The following SLC30A6 variants were observed in gnomAD, a reference collection of about 807,000 sequenced individuals.
The protein encoded by SLC30A6 is zinc transporter 6.
In SLC30A6, 55 loss-of-function variants were observed where a neutral mutation model predicts 63.0. That is an observed-to-expected ratio of 0.87 (90% CI 0.70 to 1.09). The LOEUF (loss-of-function observed/expected upper bound fraction) is 1.09, where lower values mean the gene tolerates loss of function less well. Among genes scored for constraint, SLC30A6 ranks in the 50% least tolerant of loss-of-function variants. The pLI, the probability that SLC30A6 is intolerant of heterozygous loss-of-function variation, is 0.00. For missense variants in SLC30A6, 587 were observed against 549.2 expected (o/e 1.07, Z -0.69); for synonymous variants, 224 against 186.1 (o/e 1.20, Z -1.66).
intron 12 of SLC30A6, 80 bp downstream of exon 12, chr2:32,207,013 A>G (rs1277640052): frequency 1.2e-5 from 14 of 1,150,198 alleles, no homozygotes; most frequent in Admixed American, 1.8e-5. Context: ...ACTTTATTCA[A>G]CTCTACCTAG....
At chr2:32,217,689 C>T (rs1469592511) in intron 13 of SLC30A6, among the ~76,000 whole-genome samples, 1 of 152,088 alleles carries the variant, frequency 6.6e-6, no homozygotes, top group African/African-American at 2.4e-5. Context: ...TCTTCCAATC[C>T]ATGAGCGTGG....
rs959146928 is a variant in SLC30A6 at position 32,220,289 on chromosome 2, A to G, written c.962A>G (p.Tyr321Cys). ...MVLAHVTNRL[Y>C]TLVSTLTVQI... Reference sequence around the variant, plus strand: ...CTTGCTCATGTGACCAACAGGCTGTACACTCTAGTGTCTACTCTAACTGTT... The same window carrying G: ...CTTGCTCATGTGACCAACAGGCTGTGCACTCTAGTGTCTACTCTAACTGTT... The change falls in exon 14 of 14, where the codon TAC (tyrosine) becomes TGC (cysteine). Residue 321 changes from tyrosine to cysteine, a missense_variant. Transcript: ENST00000282587. The G allele has an allele frequency of 1.9e-6, 3 of 1,614,206 alleles. No homozygotes were observed. The highest frequency in any genetic ancestry group is 1.7e-5 in the Admixed American group (1 of 60,026).
rs1257191371 is a variant in SLC30A6, at chr2:32,171,226, C to CAT, written c.4-59_4-58dup. 13 of 1,377,458 alleles carry CAT rather than the reference C, an allele frequency of 9.4e-6. No homozygotes were observed. The African/African-American group carries it at 1.0e-4, about 11-fold the overall frequency. The allele number at this position is 1,377,458 out of a possible 1,614,324, so 85.3% of individuals were successfully genotyped here. ...TATCATAGGAACCACTATATCATATCATAGGAACTCTGAAGATGATTAAAT... is the reference window on the plus strand; with the variant it reads ...TATCATAGGAACCACTATATCATATCATATAGGAACTCTGAAGATGATTAAAT... On this transcript the variant is annotated intron_variant, in intron 1 of 13. Coordinates refer to ENST00000282587, the MANE Select transcript of SLC30A6 (RefSeq NM_017964.5).
chr2:32,197,454 A>G (rs757566783), intron 9 of SLC30A6, 62 bp downstream of exon 9: 29 of 1,479,262 alleles, frequency 2.0e-5, no homozygotes, highest in Non-Finnish European at 2.5e-5. Context: ...AAATGCATCT[A>G]TCATGGGAAC....
At chr2:32,214,469 G>C (rs777922629) in intron 13 of SLC30A6, 1 of 151,520 alleles carries the variant, frequency 6.6e-6, no homozygotes, top group African/African-American at 2.4e-5. Flanking sequence ...AATATGGAAC[G>C]CTTCATGAAT....
chr2:32,175,236 C>T, intron 3 of SLC30A6, 83 bp from the exon 4 acceptor site: 1 of 1,335,562 alleles, frequency 7.5e-7, no homozygotes. Flanking sequence ...ATGGATACCC[C>T]TGGTAGAAAT....
At chr2:32,182,930 T>TA (rs1682458104) in intron 4 of SLC30A6, among the ~76,000 whole-genome samples, 1 of 152,146 alleles carries the variant, frequency 6.6e-6, no homozygotes, top group Admixed American at 6.5e-5. Context: ...GCCTCACACC[T>TA]GTAATCCCAG....
chr2:32,181,390 A>T lies in SLC30A6; in HGVS notation c.219-2883A>T, dbSNP rs116569138. ...TAACCCTGATTTGAGGATTATTAAG[A>T]TGTGAAAAAACATGTACTTCTTAAA... On this transcript the variant is annotated intron_variant, in intron 4 of 13. Coordinates refer to ENST00000282587, the MANE Select transcript of SLC30A6 (RefSeq NM_017964.5). Among the ~76,000 whole-genome samples, 567 of 152,334 alleles carry T rather than the reference A, an allele frequency of 3.7e-3. 5 individuals carry two copies. The highest frequency in any genetic ancestry group is 0.013 in the African/African-American group (558 of 41,574).
At chr2:32,186,840 T>TA (rs1394337712) in intron 5 of SLC30A6, among the ~76,000 whole-genome samples, 2 of 150,262 alleles carry the variant, frequency 1.3e-5, no homozygotes, top group Admixed American at 1.3e-4. Flanking sequence ...TACAAAAAAA[T>TA]ACAAAAATAT....
chr2:32,185,820 A>G (rs1205614610), intron 5 of SLC30A6, among the ~76,000 whole-genome samples: 1 of 151,516 alleles, frequency 6.6e-6, no homozygotes, highest in Non-Finnish European at 1.5e-5. Flanking sequence ...TCCGGGTTCC[A>G]GCGATTCTTC....
chr2:32,199,839 G>T (rs1366438323), intron 10 of SLC30A6, among the ~76,000 whole-genome samples: 1 of 152,102 alleles, frequency 6.6e-6, no homozygotes, highest in East Asian at 1.9e-4. Context: ...ATTTGGCTGG[G>T]TGCGGTGGCT....
intron 13 of SLC30A6, 63 bp downstream of exon 13, chr2:32,209,624 GAA>G: frequency 3.6e-6 from 5 of 1,372,086 alleles, no homozygotes; most frequent in Non-Finnish European, 5.0e-6. Context: ...TTTTAAAACT[GAA>G]AAAAAATATT....
chr2:32,165,927 G>C, intron 1 of SLC30A6, 24 bp downstream of exon 1: 1 of 1,614,140 alleles, frequency 6.2e-7, no homozygotes, highest in South Asian at 1.1e-5. Context: ...TGGGGTGAGG[G>C]TTTCGGCTGT....
chr2:32,201,819 C>A, intron 10 of SLC30A6: 1 of 1,418,806 alleles, frequency 7.0e-7, no homozygotes, highest in Non-Finnish European at 9.9e-7. Flanking sequence ...GGAAGTCAAG[C>A]CACCATTATG....
At chr2:32,177,868 A>G (rs1681914774) in intron 4 of SLC30A6, among the ~76,000 whole-genome samples, 1 of 149,424 alleles carries the variant, frequency 6.7e-6, no homozygotes, top group Admixed American at 6.7e-5. Flanking sequence ...AACTCAAGTC[A>G]TCTGCCTGCC....
chr2:32,220,443 A>C lies in SLC30A6; in HGVS notation c.1116A>C (p.Pro372=). ...TAAAGGGTACTGATGATTTGAACCC[A>C]GTTACATCAACTCCAGCTAAACCTA... is the stretch of plus-strand genomic sequence containing the variant. ...PLLKGTDDLN[P]VTSTPAKPSS... Residue 372 remains proline, a synonymous_variant, in exon 14 of 14, where the codon CCA becomes CCC. Coordinates refer to ENST00000282587, the MANE Select transcript of SLC30A6 (RefSeq NM_017964.5). 6.2e-7 allele frequency: 1 copy of C among 1,614,232 alleles called. No individual in the cohort carries two copies. Among genetic ancestry groups the C allele is most frequent in the South Asian group, 1.1e-5 (1 of 91,088 alleles).
At position 32,209,544 on chromosome 2, in the gene SLC30A6, C is replaced by T; in HGVS notation, c.868C>T (p.Leu290=). ...AGTCCGAAATGAACATTTTTGGACCCTAGGTTTTGGCTCATTGGTATGTTC... is the reference window on the plus strand; with the variant it reads ...AGTCCGAAATGAACATTTTTGGACCTTAGGTTTTGGCTCATTGGTATGTTC... The part of the protein sequence containing the change: ...LEVRNEHFWT[L]GFGSLAGSVH... The change falls in exon 13 of 14, where the codon CTA becomes TTA. Residue 290 remains leucine, a synonymous_variant. Transcript: ENST00000282587. 1 of 1,612,016 alleles carries T rather than the reference C, an allele frequency of 6.2e-7. No homozygotes were observed.
At chr2:32,197,448 G>T (rs941966476) in intron 9 of SLC30A6, 56 bp downstream of exon 9, 8 of 1,502,338 alleles carry the variant, frequency 5.3e-6, no homozygotes, top group African/African-American at 1.4e-5. Flanking sequence ...CACAAGAAAT[G>T]CATCTATCAT....
intron 7 of SLC30A6, among the ~76,000 whole-genome samples, chr2:32,193,350 G>A (rs1445467542): frequency 3.3e-5 from 5 of 152,040 alleles, no homozygotes; most frequent in East Asian, 1.9e-4. Context: ...TAAGGCAGGA[G>A]GATCGCTTGA....
Sources: allele counts gnomAD v4.1 joint callset (sites outside exome capture counted in the v4.1 genomes callset), GRCh38; gene constraint gnomAD v4.1.1; transcripts MANE v1.5; gene names NCBI Gene and HGNC (gene_info 2026-07-23, HGNC 2026-07-21).